FAM13B: variants seen among roughly 807,000 people sequenced by gnomAD.
The protein encoded by FAM13B is protein FAM13B.
In FAM13B, 60 loss-of-function variants were observed where a neutral mutation model predicts 117.3. The ratio of observed to expected loss-of-function variants is 0.51; its 90% confidence interval spans 0.42 to 0.63. The LOEUF is 0.63. Ranked by LOEUF, FAM13B falls within the 30% of genes least tolerant of loss-of-function variation. FAM13B has a pLI of 0.00. For synonymous variants in FAM13B, 332 were observed against 356.1 expected (o/e 0.93, Z 0.76); for missense variants, 972 against 1,091.9 (o/e 0.89, Z 1.55).
At chr5:138,033,241 C>T (rs945662248), upstream of FAM13B, 4 of 191,984 alleles carry the variant, frequency 2.1e-5, no homozygotes, top group South Asian at 1.8e-4. Flanking sequence ...CAATTGGGGT[C>T]CTGAATTAGG....
intron 10 of FAM13B, among the ~76,000 whole-genome samples, chr5:137,964,541 C>T (rs1458589873): frequency 2.2e-4 from 31 of 141,906 alleles, no homozygotes; most frequent in East Asian, 4.5e-4. Context: ...GCCAACATGG[C>T]GAAACCCCAT....
chr5:137,941,246 A>G (rs1209956090), intron 23 of FAM13B, among the ~76,000 whole-genome samples: 5 of 152,048 alleles, frequency 3.3e-5, no homozygotes, highest in Non-Finnish European at 7.4e-5. Flanking sequence ...GCCAACCTAT[A>G]TAGGAGACTC....
rs568564613 is a variant in FAM13B at position 138,003,777 on chromosome 5, G to A, written c.848+3213C>T. On this transcript the variant is annotated intron_variant, in intron 7 of 23. Coordinates refer to ENST00000689681, the MANE Select transcript of FAM13B (RefSeq NM_001385994.1). Reference sequence around the variant, plus strand: ...CTCCAAAGCAGAATAACAGACAGACGGAGGCAGTCAGAACTCTCACAGCAA... The same window carrying A: ...CTCCAAAGCAGAATAACAGACAGACAGAGGCAGTCAGAACTCTCACAGCAA... Among the ~76,000 whole-genome samples the A allele has an allele frequency of 2.4e-4, 36 of 152,272 alleles. 1 individual carries two copies. The highest frequency in any genetic ancestry group is 6.2e-4 in the South Asian group (3 of 4,818).
At chr5:138,036,294 G>A, upstream of FAM13B, 1 of 407,296 alleles carries the variant, frequency 2.5e-6, no homozygotes, top group South Asian at 1.7e-5. Flanking sequence ...TTCTCATGGT[G>A]CTGCTGTGTT....
chr5:138,044,908 A>T (rs745645126), intron 1 of FAM13B, among the ~76,000 whole-genome samples: 2 of 152,254 alleles, frequency 1.3e-5, no homozygotes, highest in Non-Finnish European at 2.9e-5. Flanking sequence ...GTAATCAGGG[A>T]AACGCAAACT....
At chr5:137,959,510 A>T in intron 13 of FAM13B, 106 bp downstream of exon 13, 1 of 1,166,280 alleles carries the variant, frequency 8.6e-7, no homozygotes, top group Non-Finnish European at 1.2e-6. Flanking sequence ...CAGAAGATCA[A>T]GATGAATAAG....
intron 10 of FAM13B, among the ~76,000 whole-genome samples, chr5:137,983,210 A>C (rs1037436588): frequency 3.8e-5 from 5 of 131,838 alleles, no homozygotes; most frequent in South Asian, 2.5e-4. Context: ...AAAAAAAAAA[A>C]AAAAACCGAG....
At chr5:138,046,290 G>C (rs931000108) in intron 1 of FAM13B, among the ~76,000 whole-genome samples, 1 of 152,160 alleles carries the variant, frequency 6.6e-6, no homozygotes, top group African/African-American at 2.4e-5. Flanking sequence ...CCAGTCTCTG[G>C]TATGTCTTTA....
At chr5:138,030,278 A>G (rs955171035) in intron 1 of FAM13B, among the ~76,000 whole-genome samples, 1 of 151,894 alleles carries the variant, frequency 6.6e-6, no homozygotes, top group Non-Finnish European at 1.5e-5. Flanking sequence ...ACAGGGTCTC[A>G]CTCTGTCCCC....
intron 7 of FAM13B, among the ~76,000 whole-genome samples, chr5:137,994,535 C>T (rs764245631): frequency 2.0e-5 from 3 of 152,136 alleles, no homozygotes; most frequent in Non-Finnish European, 4.4e-5. Flanking sequence ...ATATAGATAT[C>T]ACAGGGATGT....
At position 137,944,779 on chromosome 5, in the gene FAM13B, C is replaced by A. The variant is rs866104349; in HGVS notation, c.2340+1123G>T. Among the ~76,000 whole-genome samples, 149 of 118,730 alleles carry A rather than the reference C, an allele frequency of 1.3e-3. 1 individual carries two copies. The highest frequency in any genetic ancestry group is 4.3e-3 in the African/African-American group (143 of 33,090). 77.9% of individuals were successfully genotyped at this position (118,730 alleles called of 152,430 possible). On this transcript the variant is annotated intron_variant, in intron 20 of 23. Coordinates refer to ENST00000689681, the MANE Select transcript of FAM13B (RefSeq NM_001385994.1). The stretch of plus-strand genomic sequence containing the variant: ...TCTCAAAAACAAAAAAAAAAAAAAA[C>A]AAAATCATGTCCTTTGGGATAACAC...
At chr5:137,995,440 T>G (rs936718607) in intron 7 of FAM13B, among the ~76,000 whole-genome samples, 3 of 152,206 alleles carry the variant, frequency 2.0e-5, no homozygotes, top group African/African-American at 7.2e-5. Flanking sequence ...ATTACTAAAA[T>G]ATGCAAAATA....
chr5:138,038,294 A>G (rs1366296869), intron 1 of FAM13B, among the ~76,000 whole-genome samples: 1 of 152,210 alleles, frequency 6.6e-6, no homozygotes, highest in Non-Finnish European at 1.5e-5. Context: ...AATTAGAAGC[A>G]TATTTACACT....
intron 13 of FAM13B, among the ~76,000 whole-genome samples, chr5:137,959,009 A>G (rs527705348): frequency 2.6e-5 from 4 of 152,328 alleles, no homozygotes; most frequent in Non-Finnish European, 4.4e-5. Flanking sequence ...AACTTTATAT[A>G]CAAAGAAACA....
chr5:137,978,090 A>T (rs965110058), intron 10 of FAM13B, among the ~76,000 whole-genome samples: 5 of 152,066 alleles, frequency 3.3e-5, no homozygotes, highest in Non-Finnish European at 5.9e-5. Context: ...TTTTTTCAAA[A>T]TAACTTTACC....
intron 1 of FAM13B, among the ~76,000 whole-genome samples, chr5:138,048,640 CCAAATTGTACCAG>C (rs1202780029): frequency 1.3e-5 from 2 of 152,096 alleles, no homozygotes; most frequent in Non-Finnish European, 2.9e-5. Flanking sequence ...TTTGCAGTGG[CCAAATTGTACCAG>C]CATGCTGGCC....
intron 7 of FAM13B, among the ~76,000 whole-genome samples, chr5:138,001,817 C>A (rs1454776330): frequency 6.6e-6 from 1 of 152,030 alleles, no homozygotes; most frequent in East Asian, 1.9e-4. Context: ...AGTGGCACAT[C>A]TATCCATATA....
In FAM13B at chr5:137,956,485, T is replaced by A. The variant is rs1255384158; in HGVS notation, c.1499A>T (p.Asp500Val). Residue 500 changes from aspartate (D) to valine (V), a missense_variant, in exon 14 of 24, where the codon GAT becomes GTT. Physicochemically the swap from Asp to Val is radical, Grantham distance 152 (BLOSUM62 -3). Transcript: ENST00000689681. ...IDFKTMHLQR[D>V]GEEPFPAFKS... ...TGGTGAACCATACTTACCCTCCCCA[T>A]CTCTCTGCAGATGCATTGTTTTGAA... 2.5e-6 allele frequency: 4 copies of A among 1,598,090 alleles called. No homozygotes were observed. The highest frequency in any genetic ancestry group is 1.1e-5 in the South Asian group (1 of 87,620).
At chr5:138,041,205 T>C (rs1483329239) in intron 1 of FAM13B, among the ~76,000 whole-genome samples, 8 of 152,134 alleles carry the variant, frequency 5.3e-5, no homozygotes, top group African/African-American at 1.9e-4. Context: ...AAAATTACCA[T>C]CTTCCAGAAG....
Sources: allele counts gnomAD v4.1 joint callset (sites outside exome capture counted in the v4.1 genomes callset), GRCh38; gene constraint gnomAD v4.1.1; transcripts MANE v1.5; gene names NCBI Gene and HGNC (gene_info 2026-07-23, HGNC 2026-07-21).